The following ZBTB3 variants were observed in gnomAD, a reference collection of about 807,000 sequenced individuals.
ZBTB3 encodes zinc finger and BTB domain-containing protein 3.
In ZBTB3, 15 loss-of-function variants were observed where a neutral mutation model predicts 30.6. That is an observed-to-expected ratio of 0.49 (90% CI 0.33 to 0.75). The LOEUF is 0.75. Ranked by LOEUF, ZBTB3 falls within the 30% of genes least tolerant of loss-of-function variation. The probability of loss-of-function intolerance (pLI) is 0.02; values close to 1 mark genes in which losing one functional copy is unlikely to be tolerated. For synonymous variants in ZBTB3, 258 were observed against 261.7 expected (o/e 0.99, Z 0.14); for missense variants, 599 against 652.1 (o/e 0.92, Z 0.89).
Position 62,754,130 on chromosome 11 carries a change from C to A in ZBTB3, c.-218G>T. 1 of 1,501,836 alleles carries A rather than the reference C, an allele frequency of 6.7e-7. No homozygotes were observed. The allele number at this position is 1,501,836 out of a possible 1,614,324, so 93.0% of individuals were successfully genotyped here. A position where few individuals can be genotyped will look rare whatever the true frequency, so the allele number is the denominator to read the frequency against. On this transcript the variant is annotated 5_prime_UTR_variant, in exon 1 of 2. Coordinates refer to ENST00000394807, the MANE Select transcript of ZBTB3 (RefSeq NM_001370809.1). ...ACTAGCGGAGAAAGCTGATACCTCA[C>A]CCACCACCGAGCAGCCACAGGGCGA...
Position 62,752,911 on chromosome 11 carries a change from C to T in ZBTB3, c.754G>A (p.Gly252Ser). The change falls in exon 2 of 2, where the codon GGT becomes AGT. Residue 252 changes from glycine to serine, a missense_variant. Physicochemically the swap from Gly to Ser is moderately conservative, Grantham distance 56 (BLOSUM62 0). Transcript: ENST00000394807. The stretch of plus-strand genomic sequence containing the variant: ...TCCACCACCCTCAGACTCTCAGGAC[C>T]CACATCAAGAGATGGCAGTGGCTCC... ...SLEPLPSLDV[G>S]PESLRVVEPK... The T allele has an allele frequency of 7.4e-6, 12 of 1,614,108 alleles. No homozygotes were observed. The highest frequency in any genetic ancestry group is 1.0e-5 in the Non-Finnish European group (12 of 1,180,020).
chr11:62,753,493 A>G lies in ZBTB3; in HGVS notation c.172T>C (p.Leu58=). 6.2e-7 allele frequency: 1 copy of G among 1,614,172 alleles called. No homozygotes were observed. The highest frequency in any genetic ancestry group is 8.5e-7 in the Non-Finnish European group (1 of 1,180,034). Residue 58 remains leucine (L), a synonymous_variant, in exon 2 of 2, where the codon TTG becomes CTG. Transcript: ENST00000394807. ...ATACACACCAGATCCCTCTTGTCCAATTCCCGCTCCTTGTAGAAAAGCTGG... is the reference window on the plus strand; with the variant it reads ...ATACACACCAGATCCCTCTTGTCCAGTTCCCGCTCCTTGTAGAAAAGCTGG... ...FFQLFYKERE[L]DKRDLVCIHN... is the part of the protein sequence containing the mutation.
In ZBTB3 at chr11:62,751,986, A is replaced by C; in HGVS notation, c.*104T>G. The C allele has an allele frequency of 8.8e-7, 1 of 1,139,450 alleles. No individual in the cohort carries two copies. The highest frequency in any genetic ancestry group is 1.2e-6 in the Non-Finnish European group (1 of 815,700). 70.6% of individuals were successfully genotyped at this position (1,139,450 alleles called of 1,614,324 possible). On this transcript the variant is annotated 3_prime_UTR_variant, in exon 2 of 2. Transcript: ENST00000394807. ...AAGGGTAGGAACTTTCAGCCTGGGC[A>C]GAGCCTTTATTCTTGTCACCCAGCA...
Position 62,752,030 on chromosome 11 carries a change from C to T in ZBTB3, c.*60G>A, listed in dbSNP as rs1437597519. 6.7e-7 allele frequency: 1 copy of T among 1,501,976 alleles called. No homozygotes were observed. Among genetic ancestry groups the T allele is most frequent in the East Asian group, 2.3e-5 (1 of 43,938 alleles). 93.0% of individuals were successfully genotyped at this position (1,501,976 alleles called of 1,614,324 possible). The stretch of plus-strand genomic sequence containing the variant: ...CCCAGCAGGGGTGATAAGGTGCCAC[C>T]AACCTTCTGAGCTGCCATCTAAGGA... On this transcript the variant is annotated 3_prime_UTR_variant, in exon 2 of 2. Coordinates refer to ENST00000394807, the MANE Select transcript of ZBTB3 (RefSeq NM_001370809.1).
rs1590923994 is a variant in ZBTB3 at position 62,753,268 on chromosome 11, CCTT to C, written c.394_396del (p.Lys132del). ...GGAAGCTGTGAGTTGGTTTCCTCCT[CCTT>C]CTTGGTACTGTCTGCCTCTGCCAGG... On this transcript the variant is annotated inframe_deletion, in exon 2 of 2. Transcript: ENST00000394807. 3 of 1,614,162 alleles carry C rather than the reference CCTT, an allele frequency of 1.9e-6. No individual in the cohort carries two copies. Among genetic ancestry groups the C allele is most frequent in the Non-Finnish European group, 2.5e-6 (3 of 1,180,042 alleles).
At position 62,753,093 on chromosome 11, in the gene ZBTB3, C is replaced by T. The variant is rs756440317; in HGVS notation, c.572G>A (p.Ser191Asn). 10 of 1,614,080 alleles carry T rather than the reference C, an allele frequency of 6.2e-6. No homozygotes were observed. The highest frequency in any genetic ancestry group is 8.5e-6 in the Non-Finnish European group (10 of 1,180,050). ...GCCAGGCTGTGTAGTGTCAGCCCCA[C>T]TAGACATTGGTGGCTCATCTGGAGG... ...VRPPDEPPMSSGADTTQPGME... is the reference protein window; with the variant it reads ...VRPPDEPPMSNGADTTQPGME... Residue 191 changes from serine (S) to asparagine (N), a missense_variant, in exon 2 of 2, where the codon AGT becomes AAT. Transcript: ENST00000394807.
At position 62,752,445 on chromosome 11, in the gene ZBTB3, T is replaced by A. The variant is rs745852015; in HGVS notation, c.1220A>T (p.Tyr407Phe). 1.2e-6 allele frequency: 2 copies of A among 1,614,200 alleles called. No individual in the cohort carries two copies. The highest frequency in any genetic ancestry group is 1.7e-6 in the Non-Finnish European group (2 of 1,180,034). ...LHEPLYLSSEYEAAPGSFGVF... is the reference protein window; with the variant it reads ...LHEPLYLSSEFEAAPGSFGVF... ...CCCAAAGCTTCCTGGAGCTGCTTCGTACTCAGAAGACAGGTAAAGTGGCTC... is the reference window on the plus strand; with the variant it reads ...CCCAAAGCTTCCTGGAGCTGCTTCGAACTCAGAAGACAGGTAAAGTGGCTC... Residue 407 changes from tyrosine to phenylalanine, a missense_variant, in exon 2 of 2, where the codon TAC becomes TTC. By Grantham distance (22) the Tyr-to-Phe change is conservative. Transcript: ENST00000394807.
rs567879465 is a variant in ZBTB3, at chr11:62,753,991, T to C, written c.-79A>G. 1 of 1,612,960 alleles carries C rather than the reference T, an allele frequency of 6.2e-7. No homozygotes were observed. Among genetic ancestry groups the C allele is most frequent in the African/African-American group, 1.3e-5 (1 of 74,496 alleles). On this transcript the variant is annotated 5_prime_UTR_variant, in exon 1 of 2. Transcript: ENST00000394807. ...GGTAGCGTCCAACGGCTCCACGAAGTAGAGATCTTTTTCGCTCCCAGGCCT... is the reference window on the plus strand; with the variant it reads ...GGTAGCGTCCAACGGCTCCACGAAGCAGAGATCTTTTTCGCTCCCAGGCCT...
Position 62,752,231 on chromosome 11 carries a change from G to C in ZBTB3, c.1434C>G (p.Ala478=). The C allele has an allele frequency of 6.2e-7, 1 of 1,614,202 alleles. No homozygotes were observed. The highest frequency in any genetic ancestry group is 1.1e-5 in the South Asian group (1 of 91,092). The change falls in exon 2 of 2, where the codon GCC becomes GCG. Residue 478 remains alanine, a synonymous_variant. Coordinates refer to ENST00000394807, the MANE Select transcript of ZBTB3 (RefSeq NM_001370809.1). ...CTTCTGGATCTGGTTTGCTGCGTTT[G>C]GCCAGGTCCTCATTGTGAGCCTTGC... The part of the protein sequence containing the change: ...HIRKAHNEDL[A]KRSKPDPEVG...
chr11:62,751,950 T>TA lies in ZBTB3; in HGVS notation c.*139dup, dbSNP rs1215477544. On this transcript the variant is annotated 3_prime_UTR_variant, in exon 2 of 2. Coordinates refer to ENST00000394807, the MANE Select transcript of ZBTB3 (RefSeq NM_001370809.1). ...ACTCTGTCTCAAAAAAATAAAAGATTAAAAAAAAAAAAGGGTAGGAACTTT... is the reference window on the plus strand; with the variant it reads ...ACTCTGTCTCAAAAAAATAAAAGATTAAAAAAAAAAAAAGGGTAGGAACTTT... 33,870 of 615,968 alleles carry TA rather than the reference T, an allele frequency of 0.055. No individual in the cohort carries two copies. The highest frequency in any genetic ancestry group is 0.064 in the East Asian group (1,608 of 24,942). 38.2% of individuals were successfully genotyped at this position (615,968 alleles called of 1,614,324 possible). A position where few individuals can be genotyped will look rare whatever the true frequency, so the allele number is the denominator to read the frequency against.
At position 62,752,009 on chromosome 11, in the gene ZBTB3, G is replaced by T; in HGVS notation, c.*81C>A. The T allele has an allele frequency of 7.5e-7, 1 of 1,338,452 alleles. No homozygotes were observed. Among genetic ancestry groups the T allele is most frequent in the Non-Finnish European group, 1.0e-6 (1 of 981,968 alleles). The allele number at this position is 1,338,452 out of a possible 1,614,324, so 82.9% of individuals were successfully genotyped here. ...GCAGAGCCTTTATTCTTGTCACCCA[G>T]CAGGGGTGATAAGGTGCCACCAACC... On this transcript the variant is annotated 3_prime_UTR_variant, in exon 2 of 2. Coordinates refer to ENST00000394807, the MANE Select transcript of ZBTB3 (RefSeq NM_001370809.1).
In ZBTB3 at chr11:62,752,443, C is replaced by A. The variant is rs754895370; in HGVS notation, c.1222G>T (p.Glu408Ter). ...ACCCCAAAGCTTCCTGGAGCTGCTTCGTACTCAGAAGACAGGTAAAGTGGC... is the reference window on the plus strand; with the variant it reads ...ACCCCAAAGCTTCCTGGAGCTGCTTAGTACTCAGAAGACAGGTAAAGTGGC... ...HEPLYLSSEY[E>*]AAPGSFGVFT... Residue 408 changes from glutamate to a stop codon, truncating the protein, a stop_gained, in exon 2 of 2, where the codon GAA becomes TAA. Transcript: ENST00000394807. LOFTEE classifies it high-confidence loss of function. The A allele has an allele frequency of 6.2e-7, 1 of 1,614,198 alleles. No homozygotes were observed. The highest frequency in any genetic ancestry group is 8.5e-7 in the Non-Finnish European group (1 of 1,180,042).
In ZBTB3 at chr11:62,751,519, C is replaced by A. The variant is rs1258116517; in HGVS notation, c.*571G>T. On this transcript the variant is annotated 3_prime_UTR_variant, in exon 2 of 2. Transcript: ENST00000394807. ...CCAGCCTGGGGGACAGAGTGAGACT[C>A]TGTCTCAAAAAAAAAAAAAAAAAAA... The A allele has an allele frequency of 7.6e-6, 1 of 132,120 alleles. No homozygotes were observed. Among genetic ancestry groups the A allele is most frequent in the Non-Finnish European group, 1.6e-5 (1 of 64,180 alleles). The allele number at this position is 132,120 out of a possible 1,614,324, so 8.2% of individuals were successfully genotyped here.
chr11:62,754,074 A>G lies in ZBTB3; in HGVS notation c.-162T>C, dbSNP rs2084043011. Reference sequence around the variant, plus strand: ...AACTCCCTAAGCATCTCCCTCACGCATTCCAGGGGCTAAGGACTACCAGGG... The same window carrying G: ...AACTCCCTAAGCATCTCCCTCACGCGTTCCAGGGGCTAAGGACTACCAGGG... On this transcript the variant is annotated 5_prime_UTR_variant, in exon 1 of 2. An upstream start codon of the reference 5' UTR is lost. Transcript: ENST00000394807. 2 of 1,613,486 alleles carry G rather than the reference A, an allele frequency of 1.2e-6. No individual in the cohort carries two copies. Among genetic ancestry groups the G allele is most frequent in the East Asian group, 2.2e-5 (1 of 44,852 alleles).
rs2084012505 is a variant in ZBTB3, at chr11:62,751,637, A to T, written c.*453T>A. The T allele has an allele frequency of 6.8e-6, 1 of 147,406 alleles. No homozygotes were observed. The highest frequency in any genetic ancestry group is 1.5e-5 in the Non-Finnish European group (1 of 67,108). The allele number at this position is 147,406 out of a possible 1,614,324, so 9.1% of individuals were successfully genotyped here. ...AGTGACAGAGCAAGACTCAAAAAAA[A>T]AAAGGCAGCTGGGCGCGGTGGCTCA... On this transcript the variant is annotated 3_prime_UTR_variant, in exon 2 of 2. Transcript: ENST00000394807.
chr11:62,753,972 G>C lies in ZBTB3; in HGVS notation c.-60C>G. On this transcript the variant is annotated 5_prime_UTR_variant, in exon 1 of 2. Coordinates refer to ENST00000394807, the MANE Select transcript of ZBTB3 (RefSeq NM_001370809.1). The stretch of plus-strand genomic sequence containing the variant: ...GCTTCCTTGATGCCCACCCGGTAGC[G>C]TCCAACGGCTCCACGAAGTAGAGAT... 1 of 1,613,302 alleles carries C rather than the reference G, an allele frequency of 6.2e-7. No homozygotes were observed. Among genetic ancestry groups the C allele is most frequent in the Non-Finnish European group, 8.5e-7 (1 of 1,179,942 alleles).
In ZBTB3 at chr11:62,752,975, A is replaced by C. The variant is rs781566683; in HGVS notation, c.690T>G (p.Pro230=). ...ASPSSSTETI[P]TNYFSSGISA... ...AGATGCCAGAAGAGAAGTAGTTTGT[A>C]GGAATGGTCTCAGTGGAGCTACTAG... The change falls in exon 2 of 2, where the codon CCT becomes CCG. Residue 230 remains proline (P), a synonymous_variant. Transcript: ENST00000394807. The C allele has an allele frequency of 1.2e-6, 2 of 1,614,046 alleles. No homozygotes were observed. Among genetic ancestry groups the C allele is most frequent in the Admixed American group, 3.3e-5 (2 of 59,994 alleles).
In ZBTB3 at chr11:62,751,982, G is replaced by A. The variant is rs1056410962; in HGVS notation, c.*108C>T. On this transcript the variant is annotated 3_prime_UTR_variant, in exon 2 of 2. Transcript: ENST00000394807. ...AAAAAAGGGTAGGAACTTTCAGCCT[G>A]GGCAGAGCCTTTATTCTTGTCACCC... 1.8e-6 allele frequency: 2 copies of A among 1,112,966 alleles called. No individual in the cohort carries two copies. Among genetic ancestry groups the A allele is most frequent in the Non-Finnish European group, 2.5e-6 (2 of 793,438 alleles). 68.9% of individuals were successfully genotyped at this position (1,112,966 alleles called of 1,614,324 possible).
chr11:62,751,608 C>G lies in ZBTB3; in HGVS notation c.*482G>C, dbSNP rs1313015593. The G allele has an allele frequency of 7.1e-6, 1 of 140,538 alleles. No individual in the cohort carries two copies. Among genetic ancestry groups the G allele is most frequent in the Non-Finnish European group, 1.5e-5 (1 of 65,186 alleles). The allele number at this position is 140,538 out of a possible 1,614,324, so 8.7% of individuals were successfully genotyped here. On this transcript the variant is annotated 3_prime_UTR_variant, in exon 2 of 2. Transcript: ENST00000394807. ...CTGAAATTGCGCCACTGCACTCCAG[C>G]CTCAGTGACAGAGCAAGACTCAAAA...
Sources: allele counts gnomAD v4.1 joint callset, GRCh38; gene constraint gnomAD v4.1.1; transcripts MANE v1.5; gene names NCBI Gene and HGNC (gene_info 2026-07-23, HGNC 2026-07-21).